TBC1D4: variants seen among roughly 807,000 people sequenced by gnomAD.
The protein encoded by TBC1D4 is TBC1 domain family member 4.
Under a neutral mutation model 142.5 loss-of-function variants are expected in TBC1D4, and 121 were observed. The observed-to-expected ratio is 0.85, with a 90% CI of 0.73 to 0.99. TBC1D4 has a LOEUF of 0.99. TBC1D4 is among the 50% of genes least tolerant of loss of function. The pLI is 0.00. For synonymous variants in TBC1D4, 630 were observed against 628.2 expected (o/e 1.00, Z -0.04); for missense variants, 1,475 against 1,606.6 (o/e 0.92, Z 1.40).
At chr13:75,300,351 C>T (rs1211483985) in intron 16 of TBC1D4, among the ~76,000 whole-genome samples, 2 of 151,092 alleles carry the variant, frequency 1.3e-5, no homozygotes, top group Non-Finnish European at 1.5e-5. Flanking sequence ...GAAACAAATC[C>T]GTCTTCACAT....
intron 5 of TBC1D4, among the ~76,000 whole-genome samples, chr13:75,344,415 A>T (rs1475490191): frequency 1.3e-5 from 2 of 152,224 alleles, no homozygotes; most frequent in Non-Finnish European, 2.9e-5. Flanking sequence ...TATTTCTTTC[A>T]AACTATACAT....
chr13:75,337,686 G>A (rs1219066204), intron 7 of TBC1D4, among the ~76,000 whole-genome samples: 2 of 152,148 alleles, frequency 1.3e-5, no homozygotes, highest in African/African-American at 4.8e-5. Flanking sequence ...CTTGGGGAGG[G>A]AATAGCAACA....
intron 1 of TBC1D4, among the ~76,000 whole-genome samples, chr13:75,369,922 CAA>C (rs1473316341): frequency 1.3e-5 from 2 of 151,986 alleles, no homozygotes; most frequent in Non-Finnish European, 2.9e-5. Context: ...AAAAAATTAA[CAA>C]GAGAAGTAAA....
At chr13:75,293,954 C>A (rs780550998) in intron 18 of TBC1D4, among the ~76,000 whole-genome samples, 1 of 152,188 alleles carries the variant, frequency 6.6e-6, no homozygotes, top group Non-Finnish European at 1.5e-5. Context: ...TCCAATTTAA[C>A]AGAAGTGCAG....
At chr13:75,293,665 T>C (rs139218834) in intron 18 of TBC1D4, among the ~76,000 whole-genome samples, 1 of 152,348 alleles carries the variant, frequency 6.6e-6, no homozygotes, top group African/African-American at 2.4e-5. Flanking sequence ...GAACATTTGA[T>C]TCAGCGCATT....
chr13:75,473,675 C>G (rs965879628), intron 1 of TBC1D4, among the ~76,000 whole-genome samples: 5 of 152,192 alleles, frequency 3.3e-5, no homozygotes, highest in Non-Finnish European at 7.3e-5. Context: ...ACCCCAACAT[C>G]TTGCAAGAAG....
intron 1 of TBC1D4, among the ~76,000 whole-genome samples, chr13:75,478,260 G>T (rs532117448): frequency 3.2e-4 from 49 of 152,034 alleles, no homozygotes; most frequent in Non-Finnish European, 6.5e-4. Context: ...CATATATCTC[G>T]GTTTGTCCTC....
intron 1 of TBC1D4, among the ~76,000 whole-genome samples, chr13:75,367,757 CG>C (rs5804805): frequency 0.81 from 122,729 of 152,116 alleles, 49,941 homozygotes; most frequent in African/African-American, 0.92. Context: ...CCAGGCAACA[CG>C]GGGATGATGT....
intron 17 of TBC1D4, among the ~76,000 whole-genome samples, chr13:75,297,650 G>C (rs886135057): frequency 1.3e-5 from 2 of 151,760 alleles, no homozygotes; most frequent in Non-Finnish European, 2.9e-5. Context: ...CCAGCTACTC[G>C]GGAGGCTGAG....
intron 1 of TBC1D4, among the ~76,000 whole-genome samples, chr13:75,402,816 TGAGA>T (rs1364734996): frequency 3.3e-5 from 5 of 152,096 alleles, no homozygotes; most frequent in Admixed American, 3.3e-4. Context: ...AAGAGAGATA[TGAGA>T]GACTTTTTAA....
intron 4 of TBC1D4, 98 bp from the exon 5 acceptor site, chr13:75,349,400 T>TAA: frequency 6.8e-7 from 1 of 1,476,012 alleles, no homozygotes; most frequent in Non-Finnish European, 9.3e-7. Flanking sequence ...GCTGACTAAA[T>TAA]AAAAATAATA....
chr13:75,412,393 C>T (rs1272277492), intron 1 of TBC1D4, among the ~76,000 whole-genome samples: 1 of 152,124 alleles, frequency 6.6e-6, no homozygotes, highest in Non-Finnish European at 1.5e-5. Context: ...AGTGATCCTC[C>T]CACCTCAGGT....
At chr13:75,463,733 A>C (rs917547146) in intron 1 of TBC1D4, among the ~76,000 whole-genome samples, 2 of 152,198 alleles carry the variant, frequency 1.3e-5, no homozygotes, top group Non-Finnish European at 2.9e-5. Flanking sequence ...AAAGCTTGCA[A>C]ACCACTGTTA....
intron 18 of TBC1D4, among the ~76,000 whole-genome samples, chr13:75,292,919 C>T (rs1309501254): frequency 6.6e-6 from 1 of 152,110 alleles, no homozygotes; most frequent in Non-Finnish European, 1.5e-5. Flanking sequence ...ATTTGGGAGG[C>T]TGAGGTGGGT....
At chr13:75,383,980 C>A (rs150355842) in intron 1 of TBC1D4, among the ~76,000 whole-genome samples, 139 of 152,086 alleles carry the variant, frequency 9.1e-4, no homozygotes, top group African/African-American at 3.1e-3. Context: ...AAACTTATCT[C>A]CGAGGAAGGG....
chr13:75,382,120 T>C (rs945365183), intron 1 of TBC1D4, among the ~76,000 whole-genome samples: 3 of 152,140 alleles, frequency 2.0e-5, no homozygotes, highest in Non-Finnish European at 4.4e-5. Context: ...TCTTTGTTAA[T>C]ATCCTCACCT....
chr13:75,398,223 G>T (rs35823089), intron 1 of TBC1D4, among the ~76,000 whole-genome samples: 1 of 152,208 alleles, frequency 6.6e-6, no homozygotes, highest in Non-Finnish European at 1.5e-5. Flanking sequence ...GTATATAAAC[G>T]TTGTTATCAT....
chr13:75,341,275 C>G (rs1349380844), intron 6 of TBC1D4, 40 bp from the exon 7 acceptor site: 2 of 1,540,584 alleles, frequency 1.3e-6, no homozygotes, highest in Non-Finnish European at 1.8e-6. Context: ...ATGGCAACAC[C>G]ACTTCCCTCC....
At chr13:75,381,433 T>C (rs1214991520) in intron 1 of TBC1D4, among the ~76,000 whole-genome samples, 4 of 152,204 alleles carry the variant, frequency 2.6e-5, no homozygotes, top group Admixed American at 2.6e-4. Flanking sequence ...TTTGCCTATA[T>C]CAAGTAATAG....
Sources: allele counts gnomAD v4.1 joint callset (sites outside exome capture counted in the v4.1 genomes callset), GRCh38; gene constraint gnomAD v4.1.1; transcripts MANE v1.5; gene names NCBI Gene and HGNC (gene_info 2026-07-23, HGNC 2026-07-21).